Variants in ABLIM2 observed in about 807,000 individuals in gnomAD.
The protein encoded by ABLIM2 is actin binding LIM protein family member 2, also known as actin-binding LIM protein 2.
In ABLIM2, 53 loss-of-function variants were observed where a neutral mutation model predicts 97.7. That is an observed-to-expected ratio of 0.54 (90% CI 0.44 to 0.68). The LOEUF (loss-of-function observed/expected upper bound fraction) is 0.68. ABLIM2 is among the 30% of genes least tolerant of loss of function. ABLIM2 has a pLI of 0.00. For synonymous variants in ABLIM2, 361 were observed against 345.8 expected (o/e 1.04, Z -0.49); for missense variants, 835 against 867.2 (o/e 0.96, Z 0.47).
intron 2 of ABLIM2, among the ~76,000 whole-genome samples, chr4:8,102,816 C>T (rs186280171): frequency 2.0e-5 from 3 of 152,318 alleles, no homozygotes; most frequent in East Asian, 1.9e-4. Flanking sequence ...CACCTGAGGA[C>T]GGCCATGATT....
At chr4:8,065,242 A>C (rs1325869239) in intron 6 of ABLIM2, among the ~76,000 whole-genome samples, 4 of 152,192 alleles carry the variant, frequency 2.6e-5, no homozygotes, top group Admixed American at 2.6e-4. Context: ...ACAGAGTGAA[A>C]CCCAGACTCT....
chr4:8,059,924 AAAAC>A (rs372582265), intron 7 of ABLIM2, among the ~76,000 whole-genome samples: 8 of 85,076 alleles, frequency 9.4e-5, no homozygotes, highest in African/African-American at 5.0e-5. Flanking sequence ...AAAAAAAAAA[AAAAC>A]CCCAAAAAAC....
chr4:8,012,579 A>T (rs1394093592), intron 14 of ABLIM2, among the ~76,000 whole-genome samples: 1 of 140,784 alleles, frequency 7.1e-6, no homozygotes, highest in Admixed American at 7.1e-5. Flanking sequence ...CTGCCCATCC[A>T]TCCACCCATT....
In ABLIM2 at chr4:8,113,866, C is replaced by T. The variant is rs755978786; in HGVS notation, c.11-7229G>A. Among the ~76,000 whole-genome samples the T allele has an allele frequency of 1.8e-4, 28 of 152,220 alleles. No homozygotes were observed. Among genetic ancestry groups the T allele is most frequent in the Non-Finnish European group, 2.9e-4 (20 of 68,042 alleles). ...CACAGTTCCAGCTTCCCTTTCACAC[C>T]TTTCCTTCTGACCATGGCAACGAGC... is the stretch of plus-strand genomic sequence containing the variant. On this transcript the variant is annotated intron_variant, in intron 1 of 20. Transcript: ENST00000447017. The surrounding 1 kb of genome is among the most constrained non-coding windows in gnomAD (Gnocchi z 4.5).
Position 8,069,889 on chromosome 4 carries a change from T to G in ABLIM2, c.675+7739A>C, listed in dbSNP as rs1810635700. 6.6e-6 allele frequency among the ~76,000 whole-genome samples: 1 copy of G among 152,050 alleles called. No individual in the cohort carries two copies. ...TGCGTTGTCGATGTCTGTGTCCCTG[T>G]GTTTATGTTGGTTGTGTGTGTCATG... On this transcript the variant is annotated intron_variant, in intron 6 of 20. Transcript: ENST00000447017. The surrounding 1 kb of genome is among the most constrained non-coding windows in gnomAD (Gnocchi z 4.2).
In ABLIM2 at chr4:8,112,184, A is replaced by C. The variant is rs1840671286; in HGVS notation, c.11-5547T>G. On this transcript the variant is annotated intron_variant, in intron 1 of 20. Transcript: ENST00000447017. This position sits in a 1 kb window ranked among gnomAD's most constrained non-coding sequence, Gnocchi z 4.2. ...ATGATTGCTGGTGTCGTTAACACAC[A>C]ACCTTCACAACAAAGGGACGTGGCT... Among the ~76,000 whole-genome samples, 1 of 152,284 alleles carries C rather than the reference A, an allele frequency of 6.6e-6. No individual in the cohort carries two copies. The highest frequency in any genetic ancestry group is 1.9e-4 in the East Asian group (1 of 5,170).
At chr4:8,143,104 G>A (rs974789422) in intron 1 of ABLIM2, among the ~76,000 whole-genome samples, 3 of 143,306 alleles carry the variant, frequency 2.1e-5, no homozygotes, top group South Asian at 2.3e-4. Flanking sequence ...ATGGCTAAAC[G>A]TCTTGAAAAG....
rs571108283 is a variant in ABLIM2 at position 8,151,286 on chromosome 4, G to T, written c.10+7394C>A. 2.6e-5 allele frequency among the ~76,000 whole-genome samples: 4 copies of T among 152,302 alleles called. No homozygotes were observed. The South Asian group carries it at 8.3e-4, about 32-fold the overall frequency. On this transcript the variant is annotated intron_variant, in intron 1 of 20. Transcript: ENST00000447017. ...CCAGCTCGTTATCCGCAGCAGACCT[G>T]TTTGTTGTAGGCCTGGAAGCTGCTG...
chr4:8,062,471 T>C lies in ABLIM2; in HGVS notation c.676-1417A>G, dbSNP rs552679051. The stretch of plus-strand genomic sequence containing the variant: ...TTTTTTTTGAGACGGAGTCTCACTC[T>C]GTCGCCCTGGCTGGATGGAGTGCAG... On this transcript the variant is annotated intron_variant, in intron 6 of 20. Coordinates refer to ENST00000447017, the MANE Select transcript of ABLIM2 (RefSeq NM_001130083.2). Among the ~76,000 whole-genome samples the C allele has an allele frequency of 2.3e-3, 351 of 151,918 alleles. 1 individual carries two copies. Among genetic ancestry groups the C allele is most frequent in the African/African-American group, 8.1e-3 (337 of 41,412 alleles).
At chr4:8,024,662 G>A (rs1044830653) in intron 12 of ABLIM2, among the ~76,000 whole-genome samples, 11 of 152,198 alleles carry the variant, frequency 7.2e-5, no homozygotes, top group Admixed American at 2.6e-4. Flanking sequence ...GGCCTCCGAG[G>A]TCGACCCAGG....
intron 1 of ABLIM2, among the ~76,000 whole-genome samples, chr4:8,144,137 G>C (rs975129790): frequency 1.1e-4 from 17 of 152,212 alleles, no homozygotes; most frequent in African/African-American, 3.6e-4. Context: ...GGGCCACAGG[G>C]GTGCCTGGCA....
intron 12 of ABLIM2, among the ~76,000 whole-genome samples, chr4:8,026,853 AGTGTGTGTGTCTGCAGTGGCCTTTTAC>A (rs1777736286): frequency 7.0e-6 from 1 of 141,866 alleles, no homozygotes; most frequent in Non-Finnish European, 1.5e-5. Flanking sequence ...CTTTTACCTG[AGTGTGTGTGTCTGCAGTGGCCTTTTAC>A]CTGAGTGTGT....
At position 8,106,646 on chromosome 4, in the gene ABLIM2, A is replaced by G. The variant is rs1454429538; in HGVS notation, c.11-9T>C. 1 of 1,601,486 alleles carries G rather than the reference A, an allele frequency of 6.2e-7. No homozygotes were observed. Among genetic ancestry groups the G allele is most frequent in the East Asian group, 2.2e-5 (1 of 44,764 alleles). Reference sequence around the variant, plus strand: ...AGCCTGGGGCTGCGACACTGTTGGGAAAGAGAGAAGAGCAGCGTTCAAGGG... The same window carrying G: ...AGCCTGGGGCTGCGACACTGTTGGGGAAGAGAGAAGAGCAGCGTTCAAGGG... On this transcript the variant is annotated splice_polypyrimidine_tract_variant and intron_variant, in intron 1 of 20. Transcript: ENST00000447017.
Position 8,071,693 on chromosome 4 carries a change from A to AGCCCCCCCCCCCC in ABLIM2, c.675+5934_675+5935insGGGGGGGGGGGGC. The AGCCCCCCCCCCCC allele has an allele frequency of 1.2e-6, 1 of 819,832 alleles. No homozygotes were observed. The highest frequency in any genetic ancestry group is 1.5e-6 in the Non-Finnish European group (1 of 679,294). 50.8% of individuals were successfully genotyped at this position (819,832 alleles called of 1,614,324 possible). ...ACACCTGACTGCTCTGTCCCCAAAAACCCACCCACCCGCAGCCCCTCCTGG... is the reference window on the plus strand; with the variant it reads ...ACACCTGACTGCTCTGTCCCCAAAAAGCCCCCCCCCCCCCCCACCCACCCGCAGCCCCTCCTGG... On this transcript the variant is annotated intron_variant, in intron 6 of 20. Coordinates refer to ENST00000447017, the MANE Select transcript of ABLIM2 (RefSeq NM_001130083.2). The surrounding 1 kb of genome is among the most constrained non-coding windows in gnomAD (Gnocchi z 6.2).
intron 1 of ABLIM2, among the ~76,000 whole-genome samples, chr4:8,108,868 C>G (rs1259576022): frequency 6.6e-6 from 1 of 152,250 alleles, no homozygotes; most frequent in East Asian, 1.9e-4. Flanking sequence ...CGCCAGCTCC[C>G]CCTGTCTTGG....
intron 3 of ABLIM2, among the ~76,000 whole-genome samples, chr4:8,090,850 G>A (rs1406607706): frequency 6.6e-6 from 1 of 152,024 alleles, no homozygotes; most frequent in Non-Finnish European, 1.5e-5. Flanking sequence ...TCCATCCCAT[G>A]GATAAATCAC....
At chr4:8,154,001 CG>C (rs1714154912) in intron 1 of ABLIM2, among the ~76,000 whole-genome samples, 1 of 137,412 alleles carries the variant, frequency 7.3e-6, no homozygotes, top group East Asian at 2.1e-4. Context: ...CTCACTCTGT[CG>C]CCCAGGCTGG....
intron 10 of ABLIM2, 92 bp from the exon 11 acceptor site, chr4:8,029,868 C>T: frequency 6.8e-7 from 1 of 1,472,946 alleles, no homozygotes; most frequent in African/African-American, 1.4e-5. Context: ...GGTGTTTGCC[C>T]TCCTGACCCA....
chr4:8,004,022 C>T lies in ABLIM2; in HGVS notation c.1618+4037G>A, dbSNP rs926789104. 6.6e-5 allele frequency among the ~76,000 whole-genome samples: 10 copies of T among 152,018 alleles called. No individual in the cohort carries two copies. The highest frequency in any genetic ancestry group is 2.1e-4 in the South Asian group (1 of 4,816). On this transcript the variant is annotated intron_variant, in intron 16 of 20. Coordinates refer to ENST00000447017, the MANE Select transcript of ABLIM2 (RefSeq NM_001130083.2). The surrounding 1 kb of genome is among the most constrained non-coding windows in gnomAD (Gnocchi z 5.9). ...TCCTTCGACCACGGACTAAGGAACG[C>T]GAGAAGAACTCTTCTGCCCCATCTT...
Sources: allele counts gnomAD v4.1 joint callset (sites outside exome capture counted in the v4.1 genomes callset), GRCh38; gene constraint gnomAD v4.1.1; non-coding constraint Gnocchi (gnomAD v3.1); transcripts MANE v1.5; gene names NCBI Gene and HGNC (gene_info 2026-07-23, HGNC 2026-07-21).